Variants in GOLM2 observed in about 807,000 individuals in gnomAD.
The protein encoded by GOLM2 is golgi membrane protein 2.
In GOLM2, 26 loss-of-function variants were observed where a neutral mutation model predicts 55.9. That is an observed-to-expected ratio of 0.47 (90% confidence interval 0.34 to 0.65). The LOEUF (loss-of-function observed/expected upper bound fraction) is 0.65, where lower values mean the gene tolerates loss of function less well. GOLM2 is among the 30% of genes least tolerant of loss of function. The pLI, the probability that GOLM2 is intolerant of heterozygous loss-of-function variation, is 0.01. For synonymous variants in GOLM2, 165 were observed against 194.6 expected (o/e 0.85, Z 1.27); for missense variants, 486 against 531.8 (o/e 0.91, Z 0.85).
chr15:44,314,010 G>T (rs1005993408), intron 1 of GOLM2, among the ~76,000 whole-genome samples: 8 of 152,076 alleles, frequency 5.3e-5, no homozygotes, highest in African/African-American at 1.9e-4. Flanking sequence ...GGTCGAGGTG[G>T]GCAGATCACA....
chr15:44,406,666 T>C (rs1186890682), intron 9 of GOLM2: 1 of 152,202 alleles, frequency 6.6e-6, no homozygotes, highest in Non-Finnish European at 1.5e-5. Context: ...GTAGAAACTT[T>C]ATTGCCACTA....
intron 1 of GOLM2, among the ~76,000 whole-genome samples, chr15:44,292,337 C>T (rs2078727003): frequency 1.3e-5 from 2 of 151,330 alleles, no homozygotes; most frequent in Non-Finnish European, 2.9e-5. Context: ...GCTGGGACTA[C>T]AGGCGCCCAC....
At chr15:44,324,348 G>T (rs1043209470) in intron 2 of GOLM2, among the ~76,000 whole-genome samples, 3 of 151,962 alleles carry the variant, frequency 2.0e-5, no homozygotes, top group African/African-American at 7.3e-5. Flanking sequence ...TTTTGAAATT[G>T]TGTATGATAC....
intron 6 of GOLM2, among the ~76,000 whole-genome samples, chr15:44,347,606 G>A (rs772907502): frequency 3.3e-5 from 5 of 152,154 alleles, no homozygotes; most frequent in Non-Finnish European, 5.9e-5. Context: ...GGTCTTAAAT[G>A]AACTAGAAAA....
In GOLM2 at chr15:44,301,805, G is replaced by A. The variant is rs1328170597; in HGVS notation, c.327+12449G>A. On this transcript the variant is annotated intron_variant, in intron 1 of 9. Coordinates refer to ENST00000299957, the MANE Select transcript of GOLM2 (RefSeq NM_138423.4). ...CACATGCCTATAATCCCATTTACTC[G>A]GGAGGTTGAGGCAGGAGAATTACTT... Among the ~76,000 whole-genome samples the A allele has an allele frequency of 3.3e-5, 5 of 152,004 alleles. No homozygotes were observed. The East Asian group carries it at 5.8e-4, about 18-fold the overall frequency.
chr15:44,334,830 G>A (rs770023300), intron 4 of GOLM2, among the ~76,000 whole-genome samples: 13 of 152,118 alleles, frequency 8.5e-5, no homozygotes, highest in Non-Finnish European at 1.0e-4. Flanking sequence ...AGGAGTTCGA[G>A]ACCAACCTGG....
At chr15:44,376,535 A>G (rs1178331141) in intron 6 of GOLM2, among the ~76,000 whole-genome samples, 1 of 152,218 alleles carries the variant, frequency 6.6e-6, no homozygotes, top group African/African-American at 2.4e-5. Context: ...GACATGAGAC[A>G]CTGTGCTCAA....
intron 6 of GOLM2, among the ~76,000 whole-genome samples, chr15:44,345,699 A>T (rs2079119643): frequency 6.6e-6 from 1 of 152,166 alleles, no homozygotes; most frequent in Non-Finnish European, 1.5e-5. Flanking sequence ...CAGTCCCAGT[A>T]AAAATGTAAA....
intron 2 of GOLM2, among the ~76,000 whole-genome samples, chr15:44,327,753 A>G (rs1202999318): frequency 6.6e-6 from 1 of 152,212 alleles, no homozygotes; most frequent in Non-Finnish European, 1.5e-5. Flanking sequence ...AATCTAGAAC[A>G]TGTGTGGCTG....
At chr15:44,392,017 A>G (rs1488132595) in intron 8 of GOLM2, among the ~76,000 whole-genome samples, 1 of 151,708 alleles carries the variant, frequency 6.6e-6, no homozygotes, top group African/African-American at 2.4e-5. Context: ...TGCCCTGCTA[A>G]TTTTGTATTT....
intron 8 of GOLM2, among the ~76,000 whole-genome samples, chr15:44,393,894 T>C (rs1393105447): frequency 6.6e-6 from 1 of 152,188 alleles, no homozygotes; most frequent in East Asian, 1.9e-4. Flanking sequence ...GGTTTCACTA[T>C]GTTGGCCAGG....
chr15:44,390,687 A>G (rs957749545), intron 8 of GOLM2, among the ~76,000 whole-genome samples: 4 of 151,338 alleles, frequency 2.6e-5, no homozygotes, highest in African/African-American at 9.7e-5. Flanking sequence ...CTCCTGCCTC[A>G]GCCTCCCAAG....
chr15:44,342,382 G>A (rs1011608967), intron 6 of GOLM2, among the ~76,000 whole-genome samples: 6 of 151,842 alleles, frequency 4.0e-5, no homozygotes, highest in South Asian at 2.1e-4. Context: ...CTCCCACATC[G>A]GCTCCCGAGT....
At chr15:44,293,406 C>T (rs184969227) in intron 1 of GOLM2, among the ~76,000 whole-genome samples, 5 of 152,312 alleles carry the variant, frequency 3.3e-5, no homozygotes, top group African/African-American at 4.8e-5. Context: ...CTTCAGTTTT[C>T]GCCTGCTGTC....
intron 6 of GOLM2, among the ~76,000 whole-genome samples, chr15:44,343,316 G>GA (rs200034292): frequency 0.015 from 1,554 of 104,890 alleles, 8 homozygotes; most frequent in African/African-American, 0.027. Flanking sequence ...CTGGAAGACA[G>GA]AAAAAAAAAA....
chr15:44,306,939 A>G (rs984675899), intron 1 of GOLM2, among the ~76,000 whole-genome samples: 3 of 152,198 alleles, frequency 2.0e-5, no homozygotes, highest in African/African-American at 7.2e-5. Context: ...GGTGCCCCCA[A>G]TTATAATAAT....
At chr15:44,328,868 G>T in intron 3 of GOLM2, 81 bp downstream of exon 3, 4 of 900,300 alleles carry the variant, frequency 4.4e-6, no homozygotes, top group South Asian at 2.2e-5. Flanking sequence ...CTTTCTCTCT[G>T]ACTTTTGTTT....
chr15:44,327,713 T>G (rs1041148531), intron 2 of GOLM2, among the ~76,000 whole-genome samples: 1 of 152,222 alleles, frequency 6.6e-6, no homozygotes, highest in Non-Finnish European at 1.5e-5. Flanking sequence ...GCATTTCTTT[T>G]GTCTGTAGGC....
At chr15:44,325,168 C>T (rs545916321) in intron 2 of GOLM2, among the ~76,000 whole-genome samples, 1 of 152,106 alleles carries the variant, frequency 6.6e-6, no homozygotes, top group African/African-American at 2.4e-5. Context: ...TTTTCCTGAT[C>T]CTCTTTCTTC....
Sources: allele counts gnomAD v4.1 joint callset (sites outside exome capture counted in the v4.1 genomes callset), GRCh38; gene constraint gnomAD v4.1.1; transcripts MANE v1.5; gene names NCBI Gene and HGNC (gene_info 2026-07-23, HGNC 2026-07-21).